The following SHANK2 variants were observed in gnomAD, a reference collection of about 807,000 sequenced individuals.
SHANK2 encodes the protein SH3 and multiple ankyrin repeat domains 2.
Under a neutral mutation model 133.7 loss-of-function variants are expected in SHANK2, and 43 were observed. That is an observed-to-expected ratio of 0.32 (90% CI 0.25 to 0.41). SHANK2 has a LOEUF of 0.41. Among genes scored for constraint, SHANK2 ranks in the 10% least tolerant of loss-of-function variants. The probability of loss-of-function intolerance (pLI) is 1.00; values close to 1 mark genes in which losing one functional copy is unlikely to be tolerated. For missense variants in SHANK2, 1,994 were observed against 2,235.8 expected (o/e 0.89, Z 2.18); for synonymous variants, 1,017 against 952.8 (o/e 1.07, Z -1.24).
rs558111309 is a variant in SHANK2, at chr11:70,711,818, T to C, written c.1778-13055A>G. 1.3e-4 allele frequency among the ~76,000 whole-genome samples: 20 copies of C among 152,368 alleles called. No individual in the cohort carries two copies. The East Asian group carries it at 3.3e-3, about 25-fold the overall frequency. ...TTCTCAATCAGCAGCAGATCATTCATCAAGCACCTTCTGGGCTCCCGGGAC... is the reference window on the plus strand; with the variant it reads ...TTCTCAATCAGCAGCAGATCATTCACCAAGCACCTTCTGGGCTCCCGGGAC... On this transcript the variant is annotated intron_variant, in intron 14 of 25. Coordinates refer to ENST00000601538, the MANE Select transcript of SHANK2 (RefSeq NM_012309.5).
intron 14 of SHANK2, among the ~76,000 whole-genome samples, chr11:70,754,999 T>C (rs1555038436): frequency 2.0e-5 from 3 of 151,758 alleles, no homozygotes; most frequent in Admixed American, 2.0e-4. Context: ...GTAACGATAC[T>C]AGTAAAAGCA....
At chr11:70,818,954 G>T (rs1159752215) in intron 12 of SHANK2, among the ~76,000 whole-genome samples, 1 of 152,236 alleles carries the variant, frequency 6.6e-6, no homozygotes, top group Non-Finnish European at 1.5e-5. Flanking sequence ...GCCAGGTGGA[G>T]CCCCTGGGGG....
intron 2 of SHANK2, among the ~76,000 whole-genome samples, chr11:71,191,917 G>A (rs987874455): frequency 5.9e-5 from 9 of 151,898 alleles, no homozygotes; most frequent in African/African-American, 9.7e-5. Flanking sequence ...CTGGAGTGCA[G>A]TGACGTGATC....
chr11:70,808,179 C>A (rs563800532), intron 12 of SHANK2, among the ~76,000 whole-genome samples: 2 of 152,176 alleles, frequency 1.3e-5, no homozygotes, highest in East Asian at 3.9e-4. Context: ...TGATGTTACA[C>A]CTATTTCTCC....
intron 2 of SHANK2, among the ~76,000 whole-genome samples, chr11:71,172,847 G>A (rs539899887): frequency 1.4e-4 from 22 of 152,350 alleles, no homozygotes; most frequent in African/African-American, 4.8e-4. Flanking sequence ...CGCCAGGGCA[G>A]GCAATGGCAG....
chr11:71,250,148 A>G (rs1948155748), intron 1 of SHANK2, among the ~76,000 whole-genome samples: 1 of 151,766 alleles, frequency 6.6e-6, no homozygotes, highest in Non-Finnish European at 1.5e-5. Flanking sequence ...CTAATTTGTT[A>G]AAAGCAGCCA....
rs565998832 is a variant in SHANK2 at position 70,569,216 on chromosome 11, C to A, written c.2062-66285G>T. Among the ~76,000 whole-genome samples, 29 of 152,324 alleles carry A rather than the reference C, an allele frequency of 1.9e-4. 2 individuals carry two copies. The highest frequency in any genetic ancestry group is 6.8e-3 in the Middle Eastern group (2 of 294). On this transcript the variant is annotated intron_variant, in intron 17 of 25. Transcript: ENST00000601538. The surrounding 1 kb of genome is among the most constrained non-coding windows in gnomAD (Gnocchi z 5.1). ...CAATCGGACTGAGGACAGTCCCAAA[C>A]CCCCGGGCCATCCCGAGCCTAAGTG...
intron 9 of SHANK2, among the ~76,000 whole-genome samples, chr11:71,060,188 G>A (rs1178058942): frequency 1.3e-5 from 2 of 152,212 alleles, no homozygotes; most frequent in Non-Finnish European, 2.9e-5. Context: ...ACAACTGTGA[G>A]TGCTACTGGC....
At chr11:71,233,269 T>G (rs1163347440) in intron 1 of SHANK2, among the ~76,000 whole-genome samples, 10 of 152,152 alleles carry the variant, frequency 6.6e-5, no homozygotes, top group African/African-American at 2.4e-4. Context: ...AGCCTTAAAA[T>G]GGAACGTGAT....
At position 70,804,457 on chromosome 11, in the gene SHANK2, T is replaced by C. The variant is rs1439380393; in HGVS notation, c.1663+2545A>G. ...ACAGCAGTCCTTTGCCATCGATCCT[T>C]TGAAGTGTGAGTTTTGGAACCGAGC... On this transcript the variant is annotated intron_variant, in intron 13 of 25. Transcript: ENST00000601538. The surrounding 1 kb of genome is among the most constrained non-coding windows in gnomAD (Gnocchi z 4.1). 6.6e-6 allele frequency among the ~76,000 whole-genome samples: 1 copy of C among 152,142 alleles called. No individual in the cohort carries two copies. Among genetic ancestry groups the C allele is most frequent in the Non-Finnish European group, 1.5e-5 (1 of 68,012 alleles).
intron 17 of SHANK2, among the ~76,000 whole-genome samples, chr11:70,600,418 C>CAA (rs56103044): frequency 0.03 from 2,879 of 95,368 alleles, 89 homozygotes; most frequent in Non-Finnish European, 0.047. Context: ...GACTCTGTCT[C>CAA]AAAAAAAAAA....
At chr11:70,525,000 C>T (rs562910461) in intron 17 of SHANK2, among the ~76,000 whole-genome samples, 11 of 152,352 alleles carry the variant, frequency 7.2e-5, no homozygotes, top group African/African-American at 2.4e-4. Flanking sequence ...CAAGCCTGCC[C>T]GCTTCTAGTG....
intron 14 of SHANK2, among the ~76,000 whole-genome samples, chr11:70,789,501 C>G (rs1555047465): frequency 1.3e-5 from 2 of 152,160 alleles, no homozygotes; most frequent in Non-Finnish European, 2.9e-5. Context: ...CAGTCGAGAC[C>G]CCTGCACCAG....
chr11:70,929,002 G>A (rs1317258078), intron 10 of SHANK2, among the ~76,000 whole-genome samples: 3 of 152,168 alleles, frequency 2.0e-5, no homozygotes, highest in East Asian at 1.9e-4. Flanking sequence ...AGGTGCACAC[G>A]TGTCTTGTGG....
chr11:70,774,567 G>A (rs922783481), intron 14 of SHANK2, among the ~76,000 whole-genome samples: 14 of 152,092 alleles, frequency 9.2e-5, no homozygotes, highest in Admixed American at 2.6e-4. Context: ...TGATCCGCCC[G>A]CCTTGGCCTC....
At chr11:70,502,419 G>T (rs139530187) in intron 18 of SHANK2, 133 bp from the exon 19 acceptor site, 2 of 808,450 alleles carry the variant, frequency 2.5e-6, no homozygotes, top group Admixed American at 4.4e-5. Context: ...GATTGTGCAG[G>T]TGTGCTTATG....
chr11:70,516,279 A>G (rs1379391501), intron 17 of SHANK2, among the ~76,000 whole-genome samples: 1 of 152,244 alleles, frequency 6.6e-6, no homozygotes, highest in Non-Finnish European at 1.5e-5. Context: ...AAGAACAGAC[A>G]AATAGACCAA....
intron 2 of SHANK2, among the ~76,000 whole-genome samples, chr11:71,224,084 C>T (rs1159017141): frequency 6.6e-6 from 1 of 152,252 alleles, no homozygotes; most frequent in Non-Finnish European, 1.5e-5. Context: ...AAGTATCTAA[C>T]TGCTGAGAGC....
At chr11:70,594,555 C>T (rs2060372204) in intron 17 of SHANK2, among the ~76,000 whole-genome samples, 1 of 152,100 alleles carries the variant, frequency 6.6e-6, no homozygotes, top group African/African-American at 2.4e-5. Context: ...CTGGAATAGA[C>T]ACACTTTTAG....
Sources: allele counts gnomAD v4.1 joint callset (sites outside exome capture counted in the v4.1 genomes callset), GRCh38; gene constraint gnomAD v4.1.1; non-coding constraint Gnocchi (gnomAD v3.1); transcripts MANE v1.5; gene names NCBI Gene and HGNC (gene_info 2026-07-23, HGNC 2026-07-21).